Variants in MYO5C observed in about 807,000 individuals in gnomAD.
MYO5C encodes myosin VC.
In MYO5C, 194 loss-of-function variants were observed where a neutral mutation model predicts 235.7. That is an observed-to-expected ratio of 0.82 (90% CI 0.73 to 0.93). MYO5C has a LOEUF of 0.93. Among genes scored for constraint, MYO5C ranks in the 40% least tolerant of loss-of-function variants. MYO5C has a pLI of 0.00. For synonymous variants in MYO5C, 707 were observed against 754.8 expected, an observed-to-expected ratio of 0.94 and a Z score of 1.04; for missense variants, 2,038 against 2,127.2, an observed-to-expected ratio of 0.96 and a Z score of 0.82.
chr15:52,263,118 G>A (rs919156871), intron 9 of MYO5C, among the ~76,000 whole-genome samples: 5 of 152,158 alleles, frequency 3.3e-5, no homozygotes, highest in Admixed American at 6.5e-5. Context: ...CCTCTAGAAC[G>A]GTGAGGAAAC....
rs767134543 is a variant in MYO5C, at chr15:52,223,563, C to A, written c.3608G>T (p.Arg1203Met). 6.2e-7 allele frequency: 1 copy of A among 1,613,860 alleles called. No homozygotes were observed. The highest frequency in any genetic ancestry group is 2.2e-5 in the East Asian group (1 of 44,886). Residue 1203 changes from arginine to methionine, a missense_variant, in exon 29 of 41, where the codon AGG becomes ATG. By Grantham distance (91) the Arg-to-Met change is moderately conservative. Coordinates refer to ENST00000261839, the MANE Select transcript of MYO5C (RefSeq NM_018728.4). ...INESIRHEVT[R>M]LTSENMMIPD... Reference sequence around the variant, plus strand: ...CCATACCATGTTCTCTGATGTTAGCCTGGTAACTTCATGACGGATGCTTTC... The same window carrying A: ...CCATACCATGTTCTCTGATGTTAGCATGGTAACTTCATGACGGATGCTTTC...
At chr15:52,198,592 G>A (rs1328108171) in intron 38 of MYO5C, among the ~76,000 whole-genome samples, 1 of 151,756 alleles carries the variant, frequency 6.6e-6, no homozygotes, top group East Asian at 1.9e-4. Flanking sequence ...TTGTTTTTTT[G>A]TTTGTTTGAG....
At chr15:52,265,544 T>A (rs912442892) in intron 8 of MYO5C, among the ~76,000 whole-genome samples, 1 of 81,386 alleles carries the variant, frequency 1.2e-5, no homozygotes, top group Non-Finnish European at 2.3e-5. Context: ...CAGTTTTTTG[T>A]TTTTTTTTTT....
intron 13 of MYO5C, among the ~76,000 whole-genome samples, chr15:52,250,116 C>G (rs563172371): frequency 3.9e-5 from 6 of 152,236 alleles, no homozygotes; most frequent in Admixed American, 1.3e-4. Context: ...GGACCAGAAC[C>G]CTGAAATTAT....
chr15:52,225,975 G>A (rs1196703507), intron 25 of MYO5C, among the ~76,000 whole-genome samples: 3 of 151,814 alleles, frequency 2.0e-5, no homozygotes, highest in Non-Finnish European at 2.9e-5. Flanking sequence ...GCTTGAACCC[G>A]GGAGGCAGAG....
At chr15:52,198,238 G>C (rs552458383) in intron 38 of MYO5C, among the ~76,000 whole-genome samples, 5 of 152,302 alleles carry the variant, frequency 3.3e-5, no homozygotes, top group Non-Finnish European at 5.9e-5. Flanking sequence ...GGGAGGCTGA[G>C]ACAGGAGAAT....
chr15:52,292,580 T>A (rs1248833684), intron 1 of MYO5C, among the ~76,000 whole-genome samples: 1 of 152,228 alleles, frequency 6.6e-6, no homozygotes, highest in Non-Finnish European at 1.5e-5. Context: ...ACATCATCCA[T>A]ATCATCGTCT....
At chr15:52,244,331 C>T (rs1555416072) in intron 19 of MYO5C, 25 bp downstream of exon 19, 1 of 1,605,730 alleles carries the variant, frequency 6.2e-7, no homozygotes, top group South Asian at 1.1e-5. Flanking sequence ...CACAGTTCCA[C>T]ATGTGTTCCT....
chr15:52,295,440 C>T (rs1260227894), intron 1 of MYO5C, among the ~76,000 whole-genome samples, 170 bp downstream of exon 1: 1 of 152,110 alleles, frequency 6.6e-6, no homozygotes, highest in Non-Finnish European at 1.5e-5. Context: ...CTCGTGTCCC[C>T]GGTCCCCGTG....
intron 4 of MYO5C, chr15:52,277,732 C>A (rs1404435130): frequency 2.4e-6 from 1 of 411,768 alleles, no homozygotes; most frequent in Non-Finnish European, 4.8e-6. Context: ...GACGGCCCCA[C>A]CCCAGGGACA....
At chr15:52,251,667 T>TTATG (rs2036476332) in intron 12 of MYO5C, 152 bp from the exon 13 acceptor site, 1 of 268,820 alleles carries the variant, frequency 3.7e-6, no homozygotes, top group African/African-American at 2.2e-5. Context: ...ATTTATTTAT[T>TTATG]TATTTATTTA....
chr15:52,248,788 A>T lies in MYO5C; in HGVS notation c.1663-5T>A, dbSNP rs2036408939. On this transcript the variant is annotated splice_polypyrimidine_tract_variant and splice_region_variant and intron_variant, in intron 13 of 40. Coordinates refer to ENST00000261839, the MANE Select transcript of MYO5C (RefSeq NM_018728.4). The stretch of plus-strand genomic sequence containing the variant: ...ACCTTCACATTTATACTCTACCTAT[A>T]CAGAGAAAGCAATTAATTATTCCCA... 6.2e-7 allele frequency: 1 copy of T among 1,602,828 alleles called. No homozygotes were observed. Among genetic ancestry groups the T allele is most frequent in the Non-Finnish European group, 8.5e-7 (1 of 1,170,208 alleles).
At chr15:52,225,918 C>T (rs1210843458) in intron 25 of MYO5C, among the ~76,000 whole-genome samples, 8 of 152,046 alleles carry the variant, frequency 5.3e-5, no homozygotes, top group African/African-American at 1.9e-4. Flanking sequence ...GGCATGGTGG[C>T]AGACGCCTGT....
chr15:52,283,511 G>A (rs935975743), intron 1 of MYO5C, among the ~76,000 whole-genome samples: 4 of 151,988 alleles, frequency 2.6e-5, no homozygotes, highest in East Asian at 1.9e-4. Flanking sequence ...CTGGCTCAGC[G>A]CCGATGTACA....
chr15:52,195,968 T>G (rs2035040425), intron 39 of MYO5C, among the ~76,000 whole-genome samples: 1 of 31,328 alleles, frequency 3.2e-5, no homozygotes, highest in Admixed American at 2.8e-4. Context: ...CCAGCTTTTT[T>G]TTTTTTTTTT....
chr15:52,280,859 C>T (rs1246379064), intron 2 of MYO5C, among the ~76,000 whole-genome samples: 2 of 152,226 alleles, frequency 1.3e-5, no homozygotes, highest in Non-Finnish European at 2.9e-5. Context: ...GAAGCCTGTG[C>T]TCTCTCACTA....
At chr15:52,262,863 A>G (rs552777332) in intron 9 of MYO5C, among the ~76,000 whole-genome samples, 1 of 152,352 alleles carries the variant, frequency 6.6e-6, no homozygotes, top group East Asian at 1.9e-4. Flanking sequence ...TCCAAAACTC[A>G]TATGTTGAAG....
chr15:52,244,374 C>T lies in MYO5C; in HGVS notation c.2372G>A (p.Arg791Gln), dbSNP rs369570742. The T allele has an allele frequency of 2.1e-5, 34 of 1,613,302 alleles. 1 individual carries two copies. The Middle Eastern group carries it at 5.3e-4, about 25-fold the overall frequency. Residue 791 changes from arginine to glutamine, a missense_variant, in exon 19 of 41, where the codon CGG becomes CAG. Physicochemically the swap from Arg to Gln is conservative, Grantham distance 43. Transcript: ENST00000261839. ...RAALIIQQYFRGQQTVRKAIT... is the reference protein window; with the variant it reads ...RAALIIQQYFQGQQTVRKAIT... The stretch of plus-strand genomic sequence containing the variant: ...AACATACCTCACAGTTTGCTGACCC[C>T]GGAAGTACTGCTGGATTATCAGGGC...
At chr15:52,219,408 G>C (rs1296091628) in intron 31 of MYO5C, among the ~76,000 whole-genome samples, 1 of 152,162 alleles carries the variant, frequency 6.6e-6, no homozygotes, top group East Asian at 1.9e-4. Context: ...TCTGTTGTTT[G>C]AACAGATAAT....
Sources: allele counts gnomAD v4.1 joint callset (sites outside exome capture counted in the v4.1 genomes callset), GRCh38; gene constraint gnomAD v4.1.1; transcripts MANE v1.5; gene names NCBI Gene and HGNC (gene_info 2026-07-23, HGNC 2026-07-21).